The following PRKX variants were observed in gnomAD, a reference collection of about 807,000 sequenced individuals.
PRKX encodes the protein protein kinase cAMP-dependent X-linked catalytic subunit, also known as cAMP-dependent protein kinase catalytic subunit PRKX.
PRKX carries 12 observed loss-of-function variants against 22.0 expected under a neutral mutation model. That is an observed-to-expected ratio of 0.54 (90% CI 0.35 to 0.88). PRKX has a LOEUF of 0.88. Among genes scored for constraint, PRKX ranks in the 40% least tolerant of loss-of-function variants. The pLI, the probability that PRKX is intolerant of heterozygous loss-of-function variation, is 0.01. For synonymous variants in PRKX, 134 were observed against 137.7 expected (o/e 0.97, Z 0.19); for missense variants, 217 against 308.0 (o/e 0.70, Z 2.21).
intron 1 of PRKX, among the ~76,000 whole-genome samples, chrX:3,677,559 C>T (rs1330798489): frequency 1.8e-5 from 2 of 110,640 alleles, no homozygotes; most frequent in Admixed American, 9.7e-5. Context: ...CACAACCATA[C>T]AATGGATTTC....
At chrX:3,701,842 A>G (rs1481999828) in intron 1 of PRKX, among the ~76,000 whole-genome samples, 1 of 111,851 alleles carries the variant, frequency 8.9e-6, no homozygotes, top group Non-Finnish European at 1.9e-5. Context: ...CAGCGCCATG[A>G]CAGTTTACAA....
intron 2 of PRKX, among the ~76,000 whole-genome samples, 177 bp downstream of exon 2, chrX:3,674,421 G>A (rs938147864): frequency 9.0e-6 from 1 of 111,476 alleles, no homozygotes; most frequent in African/African-American, 3.3e-5. Context: ...GAGGTCAGGA[G>A]CCCTGGAGGT....
intron 2 of PRKX, among the ~76,000 whole-genome samples, chrX:3,673,976 C>T (rs913870108): frequency 1.1e-4 from 12 of 111,423 alleles, no homozygotes; most frequent in African/African-American, 2.0e-4. Flanking sequence ...CTGAATCCAC[C>T]GTGTCTTGAT....
At chrX:3,639,880 G>A (rs188939800) in intron 4 of PRKX, among the ~76,000 whole-genome samples, 16 of 110,937 alleles carry the variant, frequency 1.4e-4, no homozygotes, top group East Asian at 8.7e-4. Flanking sequence ...CAAAGTCAGC[G>A]ACTGCCTGGA....
intron 4 of PRKX, among the ~76,000 whole-genome samples, chrX:3,632,813 A>T (rs1256157364): frequency 8.9e-6 from 1 of 112,268 alleles, no homozygotes; most frequent in Non-Finnish European, 1.9e-5. Flanking sequence ...AATTCTCATT[A>T]TATGGCATTT....
At chrX:3,663,468 A>ACAC (rs552837211) in intron 2 of PRKX, among the ~76,000 whole-genome samples, 8 of 53,642 alleles carry the variant, frequency 1.5e-4, no homozygotes, top group Admixed American at 2.9e-4. Flanking sequence ...ACACACACAC[A>ACAC]AAAAAATTCA....
intron 1 of PRKX, among the ~76,000 whole-genome samples, chrX:3,693,114 G>C (rs1438504219): frequency 9.1e-6 from 1 of 110,304 alleles, no homozygotes; most frequent in Non-Finnish European, 1.9e-5. Flanking sequence ...CCCTCATTTA[G>C]TTTTGTTTAG....
chrX:3,630,297 T>G (rs7888436), intron 4 of PRKX, among the ~76,000 whole-genome samples: 1 of 111,293 alleles, frequency 9.0e-6, no homozygotes, highest in East Asian at 2.8e-4. Context: ...CGGTGGCTCA[T>G]GCCTGTAATC....
intron 1 of PRKX, among the ~76,000 whole-genome samples, chrX:3,701,483 G>C (rs6567588): frequency 9.0e-6 from 1 of 111,175 alleles, no homozygotes; most frequent in African/African-American, 3.3e-5. Flanking sequence ...TGCTTTCTCA[G>C]CACCTTTTGA....
At chrX:3,682,120 A>G (rs1928085047) in intron 1 of PRKX, among the ~76,000 whole-genome samples, 1 of 110,732 alleles carries the variant, frequency 9.0e-6, no homozygotes, top group African/African-American at 3.3e-5. Context: ...CCGTGGGTAT[A>G]TGGGATGGGG....
chrX:3,666,911 TAAAAA>T (rs35951668), intron 2 of PRKX, among the ~76,000 whole-genome samples: 8 of 65,783 alleles, frequency 1.2e-4, no homozygotes, highest in African/African-American at 2.4e-4. Context: ...TCATTTCTTT[TAAAAA>T]AAAAAAAAAA....
In PRKX at chrX:3,606,501, C is replaced by T. The variant is rs1324527106; in HGVS notation, c.*2468G>A. Reference sequence around the variant, plus strand: ...TCAAGCGATTCTCCTGCCTCAGCCTCCCGAGTAGCCAGGATTACAGGTGCC... The same window carrying T: ...TCAAGCGATTCTCCTGCCTCAGCCTTCCGAGTAGCCAGGATTACAGGTGCC... On this transcript the variant is annotated 3_prime_UTR_variant, in exon 9 of 9. Coordinates refer to ENST00000262848, the MANE Select transcript of PRKX (RefSeq NM_005044.5). 1 of 111,440 alleles carries T rather than the reference C, an allele frequency of 9.0e-6. No individual in the cohort carries two copies. Among genetic ancestry groups the T allele is most frequent in the Non-Finnish European group, 1.9e-5 (1 of 53,077 alleles). The allele number at this position is 111,440 out of a possible 1,213,427, so 9.2% of individuals were successfully genotyped here.
At chrX:3,666,772 G>C (rs1372420647) in intron 2 of PRKX, among the ~76,000 whole-genome samples, 1 of 108,746 alleles carries the variant, frequency 9.2e-6, no homozygotes. Context: ...GCCAGGCGTG[G>C]TAGTGCGCAC....
intron 6 of PRKX, among the ~76,000 whole-genome samples, chrX:3,616,423 C>T (rs1446045154): frequency 2.7e-5 from 3 of 111,611 alleles, no homozygotes; most frequent in African/African-American, 9.8e-5. Context: ...AGTCGGCCTG[C>T]TTCATGCTCA....
intron 1 of PRKX, among the ~76,000 whole-genome samples, chrX:3,701,864 A>C (rs772439115): frequency 8.9e-6 from 1 of 112,143 alleles, no homozygotes; most frequent in Non-Finnish European, 1.9e-5. Context: ...TGCCACGGCA[A>C]CGTCAGGAAG....
At chrX:3,694,815 C>T (rs915230769) in intron 1 of PRKX, among the ~76,000 whole-genome samples, 1 of 108,535 alleles carries the variant, frequency 9.2e-6, no homozygotes, top group Non-Finnish European at 1.9e-5. Context: ...GAGAAGGCCA[C>T]GTGGAGACAG....
At chrX:3,654,737 G>A (rs893063382) in intron 3 of PRKX, among the ~76,000 whole-genome samples, 5 of 109,735 alleles carry the variant, frequency 4.6e-5, no homozygotes, top group East Asian at 2.9e-4. Flanking sequence ...CCACCTCGGC[G>A]TCCCAAAGTG....
chrX:3,632,144 C>G (rs1477585439), intron 4 of PRKX, among the ~76,000 whole-genome samples: 7 of 112,018 alleles, frequency 6.2e-5, no homozygotes, highest in Non-Finnish European at 1.3e-4. Flanking sequence ...CGACGTGGCC[C>G]TAACACAGCA....
At chrX:3,670,688 G>C (rs1049440606) in intron 2 of PRKX, among the ~76,000 whole-genome samples, 11 of 110,507 alleles carry the variant, frequency 1.0e-4, no homozygotes, top group Non-Finnish European at 1.9e-4. Flanking sequence ...AGGGACTACA[G>C]GCCCCCCCAC....
Sources: gnomAD v4.1 joint callset for allele counts (sites outside exome capture counted in the v4.1 genomes callset) on GRCh38, gnomAD v4.1.1 for gene constraint, MANE v1.5 for transcripts, NCBI Gene and HGNC (gene_info 2026-07-23, HGNC 2026-07-21) for gene names.